Variants in LIMD1 observed in about 807,000 individuals in gnomAD.
The protein encoded by LIMD1 is LIM domain containing 1.
Under a neutral mutation model 58.4 loss-of-function variants are expected in LIMD1, and 23 were observed. The observed-to-expected ratio is 0.39, with a 90% CI of 0.28 to 0.56. The LOEUF (loss-of-function observed/expected upper bound fraction) is 0.56. LIMD1 is among the 20% of genes least tolerant of loss of function. LIMD1 has a pLI of 0.57. For synonymous variants in LIMD1, 334 were observed against 345.5 expected (o/e 0.97, Z 0.37); for missense variants, 838 against 855.5 (o/e 0.98, Z 0.25).
chr3:45,620,184 A>G (rs1372863914), intron 1 of LIMD1, among the ~76,000 whole-genome samples: 1 of 152,182 alleles, frequency 6.6e-6, no homozygotes, highest in Non-Finnish European at 1.5e-5. Flanking sequence ...ATGTTGATGC[A>G]AAGATCCTGG....
At position 45,608,381 on chromosome 3, in the gene LIMD1, C is replaced by T. The variant is rs115912213; in HGVS notation, c.1408+12094C>T. ...GCTTCGGACACCTTGTGTGTATGGGCGGGGGCATCGCAGGCATGTACATTG... is the reference window on the plus strand; with the variant it reads ...GCTTCGGACACCTTGTGTGTATGGGTGGGGGCATCGCAGGCATGTACATTG... On this transcript the variant is annotated intron_variant, in intron 1 of 7. Transcript: ENST00000273317. 4.2e-3 allele frequency among the ~76,000 whole-genome samples: 633 copies of T among 152,154 alleles called. 7 individuals are homozygous for T. The highest frequency in any genetic ancestry group is 0.015 in the African/African-American group (602 of 41,504).
intron 1 of LIMD1, among the ~76,000 whole-genome samples, chr3:45,614,449 T>C (rs1039334490): frequency 2.0e-5 from 3 of 149,404 alleles, no homozygotes; most frequent in African/African-American, 7.4e-5. Context: ...GCCCGGGTGC[T>C]GTGGTTCACG....
chr3:45,645,947 T>C (rs1701900532), intron 2 of LIMD1, among the ~76,000 whole-genome samples: 1 of 150,898 alleles, frequency 6.6e-6, no homozygotes, highest in Non-Finnish European at 1.5e-5. Flanking sequence ...CTGCTGTCTG[T>C]GGAGCATTTA....
intron 1 of LIMD1, among the ~76,000 whole-genome samples, chr3:45,630,399 GGA>G (rs1375485358): frequency 3.3e-5 from 5 of 152,192 alleles, no homozygotes; most frequent in African/African-American, 1.2e-4. Context: ...GCCAGCGTCT[GGA>G]GAGGGGCTGG....
chr3:45,610,000 T>C (rs1701508364), intron 1 of LIMD1, among the ~76,000 whole-genome samples: 1 of 152,186 alleles, frequency 6.6e-6, no homozygotes, highest in African/African-American at 2.4e-5. Context: ...GAGACCAGCC[T>C]GACCAACATG....
intron 1 of LIMD1, among the ~76,000 whole-genome samples, chr3:45,622,316 G>A (rs1701635311): frequency 6.6e-6 from 1 of 152,142 alleles, no homozygotes; most frequent in African/African-American, 2.4e-5. Context: ...TTAAATTACA[G>A]TAGTCTGCCC....
intron 1 of LIMD1, among the ~76,000 whole-genome samples, chr3:45,607,594 G>A (rs12330311): frequency 0.033 from 5,019 of 152,118 alleles, 257 homozygotes; most frequent in African/African-American, 0.11. Flanking sequence ...TTCCAGGGAG[G>A]GAGTTTGCAT....
chr3:45,637,594 A>AT (rs960049471), intron 2 of LIMD1, among the ~76,000 whole-genome samples: 3 of 152,120 alleles, frequency 2.0e-5, no homozygotes, highest in Non-Finnish European at 4.4e-5. Flanking sequence ...GGGCAAGTGT[A>AT]TTTTTTCACA....
chr3:45,633,357 C>G (rs544256179), intron 1 of LIMD1, among the ~76,000 whole-genome samples: 2 of 152,254 alleles, frequency 1.3e-5, no homozygotes, highest in Admixed American at 1.3e-4. Flanking sequence ...TTTGTCAAAA[C>G]TCATTGAATG....
chr3:45,665,757 C>G (rs1455663951), intron 3 of LIMD1, 40 bp downstream of exon 3: 4 of 1,578,736 alleles, frequency 2.5e-6, no homozygotes, highest in Non-Finnish European at 3.5e-6. Context: ...ATGTCCTGGC[C>G]AGAGTCAGAG....
rs987239710 is a variant in LIMD1, at chr3:45,683,874, C to T, written c.*6815C>T. 1 of 152,178 alleles carries T rather than the reference C, an allele frequency of 6.6e-6. No individual in the cohort carries two copies. The highest frequency in any genetic ancestry group is 2.4e-5 in the African/African-American group (1 of 41,442). 9.4% of individuals were successfully genotyped at this position (152,178 alleles called of 1,614,324 possible). Reference sequence around the variant, plus strand: ...AGACGCCAAGAACCTGGACACCCTCCACCGGTAACAGGAGGAGCATTAGTC... The same window carrying T: ...AGACGCCAAGAACCTGGACACCCTCTACCGGTAACAGGAGGAGCATTAGTC... On this transcript the variant is annotated 3_prime_UTR_variant, in exon 8 of 8. Transcript: ENST00000273317.
chr3:45,672,916 C>A, intron 5 of LIMD1, 96 bp downstream of exon 5: 1 of 1,448,646 alleles, frequency 6.9e-7, no homozygotes, highest in Non-Finnish European at 9.6e-7. Context: ...TGTTTGCCAG[C>A]CGCCCTTAGA....
chr3:45,610,581 G>A (rs1337227410), intron 1 of LIMD1, among the ~76,000 whole-genome samples: 1 of 152,324 alleles, frequency 6.6e-6, no homozygotes, highest in East Asian at 1.9e-4. Flanking sequence ...GATTTGAGGA[G>A]CTGTTGGTGG....
chr3:45,649,953 A>G (rs1701951207), intron 2 of LIMD1, among the ~76,000 whole-genome samples: 1 of 148,194 alleles, frequency 6.7e-6, no homozygotes, highest in African/African-American at 2.5e-5. Flanking sequence ...GCTGCTTTTA[A>G]GATTTCATCA....
chr3:45,594,760 C>CCCCG lies in LIMD1; in HGVS notation c.-120_-119insCCCG. The CCCCG allele has an allele frequency of 1.2e-6, 1 of 846,156 alleles. No homozygotes were observed. The highest frequency in any genetic ancestry group is 1.8e-6 in the Non-Finnish European group (1 of 548,970). The allele number at this position is 846,156 out of a possible 1,614,324, so 52.4% of individuals were successfully genotyped here. A position where few individuals can be genotyped will look rare whatever the true frequency, so the allele number is the denominator to read the frequency against. On this transcript the variant is annotated 5_prime_UTR_variant, in exon 1 of 8. Coordinates refer to ENST00000273317, the MANE Select transcript of LIMD1 (RefSeq NM_014240.3). ...GACTTGAGCCCCGACCCTTCGCCAG[C>CCCCG]ATCTCCCCGCTGCCCTCAACACACA...
At chr3:45,609,635 C>T (rs1701504719) in intron 1 of LIMD1, among the ~76,000 whole-genome samples, 1 of 152,220 alleles carries the variant, frequency 6.6e-6, no homozygotes, top group Admixed American at 6.5e-5. Flanking sequence ...ACCCCTGCCC[C>T]AGACCTATCT....
In LIMD1 at chr3:45,615,421, G is replaced by A. The variant is rs190803496; in HGVS notation, c.1408+19134G>A. On this transcript the variant is annotated intron_variant, in intron 1 of 7. Transcript: ENST00000273317. ...TGTTACATGGATCTATTGCCTACTG[G>A]TGAAATCTGGGTTTTAGTGTAACCA... 2.9e-4 allele frequency among the ~76,000 whole-genome samples: 44 copies of A among 152,190 alleles called. 1 individual carries two copies. Among genetic ancestry groups the A allele is most frequent in the African/African-American group, 9.9e-4 (41 of 41,498 alleles).
At chr3:45,633,488 G>C (rs1278128424) in intron 1 of LIMD1, among the ~76,000 whole-genome samples, 1 of 152,170 alleles carries the variant, frequency 6.6e-6, no homozygotes, top group Non-Finnish European at 1.5e-5. Flanking sequence ...TGAAGTTGCT[G>C]CCTGCAACTT....
At chr3:45,631,138 A>AGG (rs1252143048) in intron 1 of LIMD1, among the ~76,000 whole-genome samples, 2 of 152,108 alleles carry the variant, frequency 1.3e-5, no homozygotes, top group Non-Finnish European at 2.9e-5. Flanking sequence ...CAGGAGGCAG[A>AGG]GGTTACAGGT....
Sources: gnomAD v4.1 joint callset for allele counts (sites outside exome capture counted in the v4.1 genomes callset) on GRCh38, gnomAD v4.1.1 for gene constraint, MANE v1.5 for transcripts, NCBI Gene and HGNC (gene_info 2026-07-23, HGNC 2026-07-21) for gene names.